LMF1: variants seen among roughly 807,000 people sequenced by gnomAD.
LMF1 encodes the protein transmembrane protein 112.
LMF1 carries 68 observed loss-of-function variants against 60.6 expected under a neutral mutation model. The observed-to-expected ratio is 1.12, with a 90% CI of 0.92 to 1.37. The LOEUF is 1.37. Among genes scored for constraint, LMF1 ranks in the 40% most tolerant of loss-of-function variants. LMF1 has a pLI of 0.00. For missense variants in LMF1, 948 were observed against 767.2 expected (o/e 1.24, Z -2.78); for synonymous variants, 418 against 324.7 (o/e 1.29, Z -3.09).
At chr16:926,588 T>G (rs2071614240) in intron 3 of LMF1, among the ~76,000 whole-genome samples, 1 of 152,152 alleles carries the variant, frequency 6.6e-6, no homozygotes, top group East Asian at 1.9e-4. Flanking sequence ...GGATGTAAAT[T>G]AGATGAAAAA....
chr16:957,589 G>A (rs2072733584), intron 1 of LMF1, among the ~76,000 whole-genome samples: 1 of 151,906 alleles, frequency 6.6e-6, no homozygotes, highest in African/African-American at 2.4e-5. Context: ...GCTGATTCTA[G>A]AATATACATG....
At chr16:930,620 G>A (rs1017130686) in intron 3 of LMF1, among the ~76,000 whole-genome samples, 5 of 152,242 alleles carry the variant, frequency 3.3e-5, no homozygotes, top group African/African-American at 4.8e-5. Context: ...AGACACTAGC[G>A]ACGGGGGCTG....
chr16:935,489 G>T (rs2071913719), intron 2 of LMF1, among the ~76,000 whole-genome samples: 1 of 151,656 alleles, frequency 6.6e-6, no homozygotes, highest in East Asian at 1.9e-4. Flanking sequence ...CAATCTTGTG[G>T]CTTCCGTGGG....
intron 10 of LMF1, among the ~76,000 whole-genome samples, chr16:862,687 G>T (rs1289360840): frequency 6.6e-6 from 1 of 151,862 alleles, no homozygotes; most frequent in African/African-American, 2.4e-5. Flanking sequence ...GCAAGATCCT[G>T]TCTCTACAAA....
intron 1 of LMF1, chr16:979,286 T>G (rs1317973710): frequency 5.6e-6 from 2 of 359,872 alleles, no homozygotes; most frequent in African/African-American, 4.3e-5. Context: ...GGAAGGGGGG[T>G]TTGTGGGCAC....
chr16:879,912 ACATT>A (rs1204535130), intron 5 of LMF1, among the ~76,000 whole-genome samples, 175 bp from the exon 6 acceptor site: 2 of 152,194 alleles, frequency 1.3e-5, no homozygotes, highest in African/African-American at 4.8e-5. Context: ...GGGCCAAGAG[ACATT>A]CAGGGAGCTT....
chr16:855,550 G>A (rs1360898964), intron 10 of LMF1: 3 of 367,944 alleles, frequency 8.2e-6, no homozygotes. Flanking sequence ...CGGAGGAGGA[G>A]GCGCCAGGAG....
chr16:888,432 G>C (rs1023173462), intron 5 of LMF1, among the ~76,000 whole-genome samples: 1 of 152,168 alleles, frequency 6.6e-6, no homozygotes, highest in African/African-American at 2.4e-5. Flanking sequence ...AGTTTTCTCT[G>C]CATCAAAACC....
chr16:891,927 AC>A (rs2070500706), intron 5 of LMF1, among the ~76,000 whole-genome samples: 1 of 152,188 alleles, frequency 6.6e-6, no homozygotes, highest in Non-Finnish European at 1.5e-5. Context: ...TATTTCACAG[AC>A]CGTCAGCTGA....
intron 6 of LMF1, among the ~76,000 whole-genome samples, chr16:876,622 T>A (rs2069988605): frequency 1.3e-5 from 2 of 151,540 alleles, no homozygotes; most frequent in African/African-American, 4.9e-5. Context: ...ATAAGTCAAT[T>A]AATAAAACGA....
chr16:944,200 C>T (rs2072180458), intron 2 of LMF1, among the ~76,000 whole-genome samples: 2 of 151,984 alleles, frequency 1.3e-5, no homozygotes, highest in South Asian at 4.2e-4. Context: ...CCAGCCAGCA[C>T]TGTGGGACCC....
chr16:875,804 C>T (rs1423032535), intron 6 of LMF1, among the ~76,000 whole-genome samples: 2 of 152,160 alleles, frequency 1.3e-5, no homozygotes, highest in African/African-American at 2.4e-5. Flanking sequence ...CAGGGGCAGG[C>T]GGGACCCTGG....
intron 1 of LMF1, chr16:976,942 T>C (rs1596186666): frequency 4.4e-6 from 2 of 453,280 alleles, no homozygotes; most frequent in Non-Finnish European, 8.8e-6. Context: ...GTCAGGGGAG[T>C]GCGAGGTGAA....
upstream of LMF1, chr16:975,920 C>T: frequency 2.2e-6 from 1 of 445,304 alleles, no homozygotes; most frequent in Non-Finnish European, 4.5e-6. Flanking sequence ...ATTTTCCCTC[C>T]TGGTTATACT....
In LMF1 at chr16:954,611, C is replaced by A; in HGVS notation, c.249G>T (p.Gly83=). 1.2e-6 allele frequency: 2 copies of A among 1,609,606 alleles called. No individual in the cohort carries two copies. Among genetic ancestry groups the A allele is most frequent in the South Asian group, 1.1e-5 (1 of 91,012 alleles). The change falls in exon 2 of 11, where the codon GGG becomes GGT. Residue 83 remains glycine, a synonymous_variant. Coordinates refer to ENST00000262301, the MANE Select transcript of LMF1 (RefSeq NM_022773.4). ...HQNKQLIGDR[G]LLPCRVFLKN... ...TCAGGAACACTCTGCAGGGAAGCAG[C>A]CCCCTGTCACCGATGAGCTGCTTGT...
In LMF1 at chr16:878,294, A is replaced by T. The variant is rs1182224165; in HGVS notation, c.897+1276T>A. ...CACGGCGACATCGATGCCCACAGGG[A>T]AATCACCTGATGGGCACCGGTGCCA... On this transcript the variant is annotated intron_variant, in intron 6 of 10. Coordinates refer to ENST00000262301, the MANE Select transcript of LMF1 (RefSeq NM_022773.4). This position sits in a 1 kb window ranked among gnomAD's most constrained non-coding sequence, Gnocchi z 5.2. Among the ~76,000 whole-genome samples the T allele has an allele frequency of 1.3e-5, 2 of 152,058 alleles. No individual in the cohort carries two copies. Among genetic ancestry groups the T allele is most frequent in the African/African-American group, 4.8e-5 (2 of 41,398 alleles).
intron 3 of LMF1, among the ~76,000 whole-genome samples, chr16:922,543 T>C (rs111458505): frequency 0.058 from 7,748 of 133,948 alleles, 191 homozygotes; most frequent in Non-Finnish European, 0.081. Flanking sequence ...TTGGGTGTGA[T>C]GTGGTGTTGG....
intron 1 of LMF1, chr16:979,809 C>T (rs2073290006): frequency 2.2e-6 from 1 of 452,512 alleles, no homozygotes; most frequent in Admixed American, 2.4e-5. Context: ...GGACCGGACC[C>T]CCACCCTCAC....
chr16:858,006 G>GC (rs1363339630), intron 10 of LMF1, among the ~76,000 whole-genome samples: 1 of 54,744 alleles, frequency 1.8e-5, no homozygotes, highest in Non-Finnish European at 3.0e-5. Context: ...GGATGGGTGT[G>GC]AGTGGTGTCT....
Sources: allele counts gnomAD v4.1 joint callset (sites outside exome capture counted in the v4.1 genomes callset), GRCh38; gene constraint gnomAD v4.1.1; non-coding constraint Gnocchi (gnomAD v3.1); transcripts MANE v1.5; gene names NCBI Gene and HGNC (gene_info 2026-07-23, HGNC 2026-07-21).